DCC: variants seen among roughly 807,000 people sequenced by gnomAD.
DCC encodes DCC netrin 1 receptor.
A neutral mutation model predicts 172.5 loss-of-function variants in DCC; 58 were observed. That is an observed-to-expected ratio of 0.34 (90% CI 0.27 to 0.42). The LOEUF (loss-of-function observed/expected upper bound fraction) is 0.42. Among genes scored for constraint, DCC ranks in the 10% least tolerant of loss-of-function variants. The probability of loss-of-function intolerance (pLI) is 1.00; values close to 1 mark genes in which losing one functional copy is unlikely to be tolerated. For synonymous variants in DCC, 709 were observed against 644.5 expected, an observed-to-expected ratio of 1.10 and a Z score of -1.52; for missense variants, 1,740 against 1,791.0, an observed-to-expected ratio of 0.97 and a Z score of 0.51.
chr18:52,787,357 G>A (rs531572614), intron 2 of DCC, among the ~76,000 whole-genome samples: 1 of 152,176 alleles, frequency 6.6e-6, no homozygotes, highest in East Asian at 1.9e-4. Flanking sequence ...ACCACATTTT[G>A]AGAAGGAACA....
chr18:53,128,208 T>C (rs1279818963), intron 7 of DCC, among the ~76,000 whole-genome samples: 3 of 152,180 alleles, frequency 2.0e-5, no homozygotes, highest in African/African-American at 4.8e-5. Flanking sequence ...GAAAATAGCA[T>C]ACATTTTTTA....
At chr18:53,495,164 G>T (rs2046004646) in intron 26 of DCC, among the ~76,000 whole-genome samples, 1 of 152,128 alleles carries the variant, frequency 6.6e-6, no homozygotes, top group Admixed American at 6.5e-5. Flanking sequence ...GGCCAAGGCT[G>T]GTGGAGCACC....
chr18:52,679,026 A>G (rs1430355954), intron 1 of DCC, among the ~76,000 whole-genome samples: 1 of 152,050 alleles, frequency 6.6e-6, no homozygotes. Flanking sequence ...AATTGAAAAA[A>G]GCTATATTGA....
intron 25 of DCC, among the ~76,000 whole-genome samples, chr18:53,485,148 G>A (rs2144353343): frequency 6.6e-6 from 1 of 152,118 alleles, no homozygotes; most frequent in African/African-American, 2.4e-5. Flanking sequence ...TAGCTACTAT[G>A]TTACTTTGTC....
intron 15 of DCC, among the ~76,000 whole-genome samples, chr18:53,374,471 G>C (rs2058089593): frequency 1.3e-5 from 2 of 152,158 alleles, no homozygotes. Context: ...CTGGCATGCT[G>C]GGTGATTAGG....
In DCC at chr18:53,107,231, G is replaced by A. The variant is rs60297133; in HGVS notation, c.1261+41065G>A. On this transcript the variant is annotated intron_variant, in intron 7 of 28. Transcript: ENST00000442544. ...TGTAGAAGAAAAAGTCTAAGATTGAGTAGAGATCAAAGTTGTGTCAAGAAC... is the reference window on the plus strand; with the variant it reads ...TGTAGAAGAAAAAGTCTAAGATTGAATAGAGATCAAAGTTGTGTCAAGAAC... Among the ~76,000 whole-genome samples the A allele has an allele frequency of 1.1e-3, 165 of 151,916 alleles. 1 individual carries two copies. Among genetic ancestry groups the A allele is most frequent in the African/African-American group, 3.9e-3 (160 of 41,518 alleles).
chr18:53,174,403 G>T (rs181948130), intron 8 of DCC, among the ~76,000 whole-genome samples: 40 of 151,402 alleles, frequency 2.6e-4, no homozygotes, highest in Non-Finnish European at 4.7e-4. Context: ...TTTTTGAAAG[G>T]ATCAACCAAA....
chr18:52,795,165 T>C (rs2037848354), intron 2 of DCC, among the ~76,000 whole-genome samples: 1 of 152,070 alleles, frequency 6.6e-6, no homozygotes, highest in Non-Finnish European at 1.5e-5. Context: ...GGAATAACTG[T>C]CTCCTCTTTA....
chr18:53,185,587 C>A (rs922513619), intron 9 of DCC, among the ~76,000 whole-genome samples: 8 of 152,124 alleles, frequency 5.3e-5, no homozygotes, highest in Non-Finnish European at 8.8e-5. Flanking sequence ...CTCTTGTGAG[C>A]CACATCTCAC....
At chr18:52,587,608 T>C (rs1327360106) in intron 1 of DCC, among the ~76,000 whole-genome samples, 1 of 152,190 alleles carries the variant, frequency 6.6e-6, no homozygotes, top group Non-Finnish European at 1.5e-5. Flanking sequence ...AATCACTATA[T>C]AATCACACAT....
chr18:52,462,234 A>G (rs1412206569), intron 1 of DCC, among the ~76,000 whole-genome samples: 3 of 152,154 alleles, frequency 2.0e-5, no homozygotes, highest in Non-Finnish European at 4.4e-5. Context: ...ACTACATCAT[A>G]CACAGCAGAA....
chr18:52,690,782 G>A (rs545373324), intron 1 of DCC, among the ~76,000 whole-genome samples: 3 of 152,176 alleles, frequency 2.0e-5, no homozygotes, highest in Non-Finnish European at 4.4e-5. Context: ...TGCTAGAAGA[G>A]GTCAGAAGGA....
intron 12 of DCC, among the ~76,000 whole-genome samples, chr18:53,265,000 C>T (rs2056656117): frequency 6.6e-6 from 1 of 152,104 alleles, no homozygotes; most frequent in African/African-American, 2.4e-5. Flanking sequence ...TGAGTGTTTT[C>T]CTGTTCACAT....
At chr18:53,469,573 TGCTCTCTGA>T (rs1447168785) in intron 25 of DCC, among the ~76,000 whole-genome samples, 1 of 152,188 alleles carries the variant, frequency 6.6e-6, no homozygotes, top group Non-Finnish European at 1.5e-5. Context: ...CTGTTAGTGC[TGCTCTCTGA>T]GTGTCTTGTT....
chr18:52,772,295 G>T (rs1490576601), intron 2 of DCC, among the ~76,000 whole-genome samples: 1 of 152,150 alleles, frequency 6.6e-6, no homozygotes, highest in African/African-American at 2.4e-5. Flanking sequence ...AGTAAACCAT[G>T]GATATCAAGA....
At chr18:52,719,523 T>C (rs1487138565) in intron 1 of DCC, among the ~76,000 whole-genome samples, 2 of 151,712 alleles carry the variant, frequency 1.3e-5, no homozygotes, top group Non-Finnish European at 2.9e-5. Flanking sequence ...TGTTAGGTAC[T>C]GAGTGTAGAG....
chr18:52,353,458 T>G (rs1420070371), intron 1 of DCC, among the ~76,000 whole-genome samples: 3 of 152,168 alleles, frequency 2.0e-5, no homozygotes, highest in African/African-American at 7.2e-5. Context: ...CCAAGTCTGA[T>G]GCTGAGAGCA....
At chr18:52,596,503 G>T (rs990950243) in intron 1 of DCC, among the ~76,000 whole-genome samples, 2 of 152,062 alleles carry the variant, frequency 1.3e-5, no homozygotes, top group African/African-American at 2.4e-5. Flanking sequence ...AAATTTTAGG[G>T]CCCCACCCCA....
In DCC at chr18:53,339,799, C is replaced by G; in HGVS notation, c.2251C>G (p.Pro751Ala). The G allele has an allele frequency of 6.2e-7, 1 of 1,613,940 alleles. No homozygotes were observed. Among genetic ancestry groups the G allele is most frequent in the Non-Finnish European group, 8.5e-7 (1 of 1,179,916 alleles). The change falls in exon 15 of 29, where the codon CCA (proline) becomes GCA (alanine). Residue 751 changes from proline (P) to alanine (A), a missense_variant. Around this residue, in one of 2 missense-constraint regions of DCC, gnomAD observed 1,732 missense variants for 1,767.4 expected, o/e 0.98. Coordinates refer to ENST00000442544, the MANE Select transcript of DCC (RefSeq NM_005215.4). ...IIMSWTPPLN[P>A]NIVVRGYIIG... The stretch of plus-strand genomic sequence containing the variant: ...CATGAGTTGGACTCCTCCCTTGAAC[C>G]CAAACATCGTGGTGCGAGGTTATAT...
Sources: gnomAD v4.1 joint callset for allele counts (sites outside exome capture counted in the v4.1 genomes callset) on GRCh38, gnomAD v4.1.1 for gene constraint, gnomAD v4.1.1 regional missense constraint, MANE v1.5 for transcripts, NCBI Gene and HGNC (gene_info 2026-07-23, HGNC 2026-07-21) for gene names.